GAS7: variants seen among roughly 807,000 people sequenced by gnomAD.
GAS7 encodes growth arrest specific 7, also known as growth arrest-specific protein 7.
Under a neutral mutation model 71.1 loss-of-function variants are expected in GAS7, and 28 were observed. The ratio of observed to expected loss-of-function variants is 0.39; its 90% CI spans 0.29 to 0.54. The LOEUF is 0.54. GAS7 is among the 20% of genes least tolerant of loss of function. The pLI, the probability that GAS7 is intolerant of heterozygous loss-of-function variation, is 0.62. For synonymous variants in GAS7, 258 were observed against 245.8 expected (o/e 1.05, Z -0.46); for missense variants, 436 against 627.8 (o/e 0.69, Z 3.27).
At chr17:10,002,900 A>G (rs892994832) in intron 2 of GAS7, among the ~76,000 whole-genome samples, 13 of 152,304 alleles carry the variant, frequency 8.5e-5, no homozygotes, top group Non-Finnish European at 1.5e-4. Context: ...TAGCAGCATG[A>G]TTCATAATTC....
At chr17:9,939,429 C>T (rs115339034) in intron 8 of GAS7, among the ~76,000 whole-genome samples, 1,958 of 152,194 alleles carry the variant, frequency 0.013, 40 homozygotes, top group African/African-American at 0.044. Flanking sequence ...CCAGACAAAG[C>T]GGCCAGGTAC....
chr17:10,040,596 CT>C (rs1003438846), intron 1 of GAS7, among the ~76,000 whole-genome samples: 6 of 149,488 alleles, frequency 4.0e-5, no homozygotes, highest in East Asian at 2.0e-4. Flanking sequence ...TCTCTCCCCC[CT>C]CTCACCCATC....
intron 9 of GAS7, among the ~76,000 whole-genome samples, chr17:9,933,080 G>A (rs913037321): frequency 1.3e-5 from 2 of 152,142 alleles, no homozygotes; most frequent in Non-Finnish European, 2.9e-5. Flanking sequence ...GCTGAGGCAG[G>A]AGAATCACTT....
In GAS7 at chr17:10,019,604, C is replaced by A. The variant is rs73974406; in HGVS notation, c.304+173G>T. Among the ~76,000 whole-genome samples, 413 of 152,242 alleles carry A rather than the reference C, an allele frequency of 2.7e-3. 4 individuals are homozygous for A. Among genetic ancestry groups the A allele is most frequent in the African/African-American group, 8.8e-3 (365 of 41,544 alleles). On this transcript the variant is annotated intron_variant, in intron 2 of 13. Transcript: ENST00000432992. Reference sequence around the variant, plus strand: ...CCAGAACTACAGACCCAGACTTGCACCCCTACCACCCAGCACAGTGGGAGG... The same window carrying A: ...CCAGAACTACAGACCCAGACTTGCAACCCTACCACCCAGCACAGTGGGAGG...
chr17:10,009,440 G>T (rs1483347648), intron 2 of GAS7, among the ~76,000 whole-genome samples: 1 of 150,990 alleles, frequency 6.6e-6, no homozygotes, highest in East Asian at 1.9e-4. Context: ...AAGAAATCAA[G>T]AAAATTACTA....
intron 1 of GAS7, among the ~76,000 whole-genome samples, chr17:10,049,267 G>A (rs2073027561): frequency 6.6e-6 from 1 of 152,180 alleles, no homozygotes; most frequent in African/African-American, 2.4e-5. Context: ...CATATTGAAT[G>A]GACCAAGTCT....
chr17:10,088,970 C>T (rs764248393), intron 1 of GAS7, among the ~76,000 whole-genome samples: 1 of 151,772 alleles, frequency 6.6e-6, no homozygotes, highest in Non-Finnish European at 1.5e-5. Flanking sequence ...CCAGCCTGAC[C>T]AATATGGCAA....
chr17:10,145,065 G>A (rs987944806), intron 1 of GAS7, among the ~76,000 whole-genome samples: 1 of 152,210 alleles, frequency 6.6e-6, no homozygotes, highest in African/African-American at 2.4e-5. Context: ...GGGCCATGGT[G>A]CAGGAATGGC....
chr17:10,007,563 T>A (rs983587812), intron 2 of GAS7, among the ~76,000 whole-genome samples: 2 of 144,010 alleles, frequency 1.4e-5, no homozygotes, highest in Non-Finnish European at 1.5e-5. Context: ...GAGGCAGAGG[T>A]TGCAGTGAGC....
intron 1 of GAS7, among the ~76,000 whole-genome samples, chr17:10,082,291 A>G (rs181012188): frequency 6.6e-6 from 1 of 152,314 alleles, no homozygotes; most frequent in East Asian, 1.9e-4. Context: ...AAAGAAGGGA[A>G]AGGAATTGGA....
intron 4 of GAS7, among the ~76,000 whole-genome samples, chr17:9,967,253 TAAC>T (rs201458998): frequency 0.054 from 8,085 of 151,022 alleles, 311 homozygotes; most frequent in Non-Finnish European, 0.082. Context: ...ATTTGAAAAA[TAAC>T]AACAAGTGTA....
At chr17:10,029,593 C>A (rs1394013181) in intron 1 of GAS7, among the ~76,000 whole-genome samples, 1 of 152,126 alleles carries the variant, frequency 6.6e-6, no homozygotes, top group African/African-American at 2.4e-5. Context: ...GTGCCTCATG[C>A]CTATAATCCT....
intron 1 of GAS7, among the ~76,000 whole-genome samples, chr17:10,136,410 C>T (rs559296942): frequency 7.7e-4 from 118 of 152,284 alleles, no homozygotes; most frequent in Middle Eastern, 3.4e-3. Context: ...CTCCCAACTC[C>T]GCATCAACGG....
Position 9,927,294 on chromosome 17 carries a change from C to CACACAT in GAS7, c.886-526_886-525insATGTGT, listed in dbSNP as rs1282449139. 1.3e-3 allele frequency among the ~76,000 whole-genome samples: 164 copies of CACACAT among 125,536 alleles called. 1 individual carries two copies. Among genetic ancestry groups the CACACAT allele is most frequent in the African/African-American group, 5.3e-3 (153 of 28,982 alleles). 82.4% of individuals were successfully genotyped at this position (125,536 alleles called of 152,430 possible). On this transcript the variant is annotated intron_variant, in intron 9 of 13. Coordinates refer to ENST00000432992, the MANE Select transcript of GAS7 (RefSeq NM_201433.2). ...TGAAACCCCATCTCTACTACATACACACACACACACACACACACACACACA... is the reference window on the plus strand; with the variant it reads ...TGAAACCCCATCTCTACTACATACACACACATACACACACACACACACACACACACA...
rs1236000314 is a variant in GAS7 at position 10,005,079 on chromosome 17, A to ATGTGTG, written c.304+14697_304+14698insCACACA. Among the ~76,000 whole-genome samples the ATGTGTG allele has an allele frequency of 1.7e-3, 216 of 124,950 alleles. 1 individual carries two copies. Among genetic ancestry groups the ATGTGTG allele is most frequent in the African/African-American group, 7.9e-3 (198 of 25,160 alleles). The allele number at this position is 124,950 out of a possible 152,430, so 82.0% of individuals were successfully genotyped here. On this transcript the variant is annotated intron_variant, in intron 2 of 13. Coordinates refer to ENST00000432992, the MANE Select transcript of GAS7 (RefSeq NM_201433.2). Reference sequence around the variant, plus strand: ...CATATATGTGTGTATGCACGCATACATGCGTGTGTGCACGCATACATGCAT... The same window carrying ATGTGTG: ...CATATATGTGTGTATGCACGCATACATGTGTGTGCGTGTGTGCACGCATACATGCAT...
intron 2 of GAS7, among the ~76,000 whole-genome samples, chr17:9,996,491 C>T (rs1310553581): frequency 4.0e-5 from 6 of 150,200 alleles, no homozygotes; most frequent in South Asian, 2.1e-4. Context: ...TTAATGGGTG[C>T]AGCACACCAA....
intron 6 of GAS7, among the ~76,000 whole-genome samples, chr17:9,944,838 C>T (rs2068732311): frequency 6.6e-6 from 1 of 152,176 alleles, no homozygotes; most frequent in African/African-American, 2.4e-5. Context: ...CTCAAATCTG[C>T]CTCCCTTCTA....
At chr17:9,925,224 A>G (rs375878201) in intron 11 of GAS7, among the ~76,000 whole-genome samples, 1 of 152,184 alleles carries the variant, frequency 6.6e-6, no homozygotes, top group African/African-American at 2.4e-5. Context: ...TAAGGAGTCC[A>G]GCCTCTACCA....
chr17:10,126,158 G>T (rs1411832840), intron 1 of GAS7, among the ~76,000 whole-genome samples: 1 of 152,216 alleles, frequency 6.6e-6, no homozygotes, highest in Non-Finnish European at 1.5e-5. Flanking sequence ...GGGACTCAAG[G>T]AAGGGGAAGG....
Sources: allele counts gnomAD v4.1 joint callset (sites outside exome capture counted in the v4.1 genomes callset), GRCh38; gene constraint gnomAD v4.1.1; transcripts MANE v1.5; gene names NCBI Gene and HGNC (gene_info 2026-07-23, HGNC 2026-07-21).